Variants in NCKAP5 observed in about 807,000 individuals in gnomAD.
The protein encoded by NCKAP5 is NCK associated protein 5, also known as nck-associated protein 5.
Under a neutral mutation model 167.0 loss-of-function variants are expected in NCKAP5, and 92 were observed. The observed-to-expected ratio is 0.55, with a 90% CI of 0.47 to 0.66. The LOEUF (loss-of-function observed/expected upper bound fraction) is 0.66, where lower values mean the gene tolerates loss of function less well. Among genes scored for constraint, NCKAP5 ranks in the 30% least tolerant of loss-of-function variants. The pLI, the probability that NCKAP5 is intolerant of heterozygous loss-of-function variation, is 0.00. For synonymous variants in NCKAP5, 891 were observed against 877.4 expected, an observed-to-expected ratio of 1.02 and a Z score of -0.27; for missense variants, 2,378 against 2,315.0, an observed-to-expected ratio of 1.03 and a Z score of -0.56.
chr2:132,838,827 A>T (rs1383590460), intron 11 of NCKAP5, among the ~76,000 whole-genome samples: 1 of 152,192 alleles, frequency 6.6e-6, no homozygotes, highest in Non-Finnish European at 1.5e-5. Context: ...AAAAAGTCTA[A>T]CATTTACATA....
intron 11 of NCKAP5, among the ~76,000 whole-genome samples, chr2:132,805,537 G>T (rs762542424): frequency 1.0e-3 from 155 of 151,118 alleles, no homozygotes; most frequent in Non-Finnish European, 2.0e-3. Flanking sequence ...TTATTCCATG[G>T]TTATCACTAT....
At chr2:133,216,302 T>C (rs879923359) in intron 4 of NCKAP5, among the ~76,000 whole-genome samples, 10 of 152,074 alleles carry the variant, frequency 6.6e-5, no homozygotes, top group Admixed American at 2.0e-4. Flanking sequence ...AAGAAGCTCC[T>C]GGACAACAGC....
intron 19 of NCKAP5, among the ~76,000 whole-genome samples, chr2:132,697,918 G>A (rs1489535020): frequency 6.6e-6 from 1 of 152,104 alleles, no homozygotes; most frequent in Non-Finnish European, 1.5e-5. Context: ...TGTAGGTTTA[G>A]TTTTCTGCCT....
At chr2:132,921,082 G>A (rs954253540) in intron 8 of NCKAP5, among the ~76,000 whole-genome samples, 1 of 151,646 alleles carries the variant, frequency 6.6e-6, no homozygotes, top group Non-Finnish European at 1.5e-5. Context: ...TATTCCCAGA[G>A]AGGATCTTCT....
the NCKAP5 span, among the ~76,000 whole-genome samples, chr2:133,670,318 C>T: frequency 2.2e-4 from 33 of 152,144 alleles, no homozygotes; most frequent in African/African-American, 7.7e-4. Context: ...TACTCCCATC[C>T]CTGAGCACAC....
At chr2:132,887,365 TTCCATCCATCCA>T (rs142512555) in intron 8 of NCKAP5, among the ~76,000 whole-genome samples, 6 of 133,810 alleles carry the variant, frequency 4.5e-5, no homozygotes, top group East Asian at 2.6e-4. Flanking sequence ...CCATCCATCT[TTCCATCCATCCA>T]TCCATCCATC....
chr2:132,732,081 A>G (rs749923388), intron 16 of NCKAP5, 30 bp from the exon 17 acceptor site: 2 of 1,566,444 alleles, frequency 1.3e-6, no homozygotes, highest in Non-Finnish European at 1.7e-6. Context: ...AGAGAAGGGA[A>G]TAGAGAAGGC....
intron 3 of NCKAP5, among the ~76,000 whole-genome samples, chr2:133,494,587 C>T (rs1000888310): frequency 1.3e-5 from 2 of 152,122 alleles, no homozygotes; most frequent in Admixed American, 6.6e-5. Flanking sequence ...ACCTGAAACT[C>T]GACTTCAGGC....
chr2:133,177,164 C>CTATATATATATATATATATATATATA (rs61395261), intron 5 of NCKAP5, among the ~76,000 whole-genome samples: 7 of 138,638 alleles, frequency 5.0e-5, no homozygotes, highest in Admixed American at 2.1e-4. Flanking sequence ...GTTTTGTTTT[C>CTATATATATATATATATATATATATA]TATATATATA....
intron 3 of NCKAP5, among the ~76,000 whole-genome samples, chr2:133,448,382 A>G (rs944186000): frequency 3.3e-5 from 5 of 152,202 alleles, no homozygotes; most frequent in Non-Finnish European, 7.3e-5. Context: ...CATGAGAGGA[A>G]GAGCGAGCCC....
intron 6 of NCKAP5, among the ~76,000 whole-genome samples, chr2:133,011,277 T>C (rs6713823): frequency 0.015 from 2,332 of 152,334 alleles, 60 homozygotes; most frequent in African/African-American, 0.053. Flanking sequence ...AGAATTTTAC[T>C]GTAATATTGA....
chr2:132,799,910 T>C (rs545260684), intron 11 of NCKAP5, among the ~76,000 whole-genome samples: 2 of 152,246 alleles, frequency 1.3e-5, no homozygotes, highest in Admixed American at 6.5e-5. Context: ...AAAATCTACT[T>C]TTGTGTTAAG....
At chr2:133,472,108 C>T (rs1251013577) in intron 3 of NCKAP5, among the ~76,000 whole-genome samples, 3 of 152,130 alleles carry the variant, frequency 2.0e-5, no homozygotes, top group Non-Finnish European at 4.4e-5. Context: ...CATTTTAATG[C>T]AGCAAATCAC....
chr2:132,782,485 T>G lies in NCKAP5; in HGVS notation c.4326A>C (p.Thr1442=), dbSNP rs1286185208. ...GCCTTCCAGAAGTTTCTAGCTTGGA[T>G]GTACTGCTTGTTTCAAAAGTGCTTG... ...QHPSTFETSS[T]SKLETSGRHP... is the part of the protein sequence containing the mutation. The change falls in exon 14 of 20, where the codon ACA becomes ACC. Residue 1442 remains threonine, a synonymous_variant. Coordinates refer to ENST00000409261, the MANE Select transcript of NCKAP5 (RefSeq NM_207363.3). The G allele has an allele frequency of 2.5e-6, 4 of 1,610,682 alleles. No individual in the cohort carries two copies. The highest frequency in any genetic ancestry group is 2.7e-5 in the African/African-American group (2 of 74,704).
chr2:133,180,309 T>C (rs963185893), intron 5 of NCKAP5, among the ~76,000 whole-genome samples: 5 of 151,854 alleles, frequency 3.3e-5, no homozygotes, highest in Non-Finnish European at 7.4e-5. Context: ...CCTAAAAGAA[T>C]GATTAAAGAC....
At chr2:133,033,670 T>C (rs2078952743) in intron 6 of NCKAP5, among the ~76,000 whole-genome samples, 1 of 152,000 alleles carries the variant, frequency 6.6e-6, no homozygotes, top group Non-Finnish European at 1.5e-5. Flanking sequence ...GAGATTGAAA[T>C]AATTAAAAAG....
chr2:132,783,444 A>G lies in NCKAP5; in HGVS notation c.3367T>C (p.Ser1123Pro), dbSNP rs1433712494. The change falls in exon 14 of 20, where the codon TCA becomes CCA. Residue 1123 changes from serine (S) to proline (P), a missense_variant. Transcript: ENST00000409261. ...GGGCTGTTATGGCTTTTGGCGGGTGATGAGGATGATGAGGAACTGCTGACC... is the reference window on the plus strand; with the variant it reads ...GGGCTGTTATGGCTTTTGGCGGGTGGTGAGGATGATGAGGAACTGCTGACC... ...SQVSSSSSSS[S>P]PAKSHNSPHG... 1 of 1,584,616 alleles carries G rather than the reference A, an allele frequency of 6.3e-7. No homozygotes were observed. The highest frequency in any genetic ancestry group is 1.2e-5 in the South Asian group (1 of 85,192).
At chr2:133,659,762 T>C in the NCKAP5 span, among the ~76,000 whole-genome samples, 1 of 152,152 alleles carries the variant, frequency 6.6e-6, no homozygotes, top group South Asian at 2.1e-4. Flanking sequence ...GTGCATTATA[T>C]CTTTTAAGTG....
intron 6 of NCKAP5, among the ~76,000 whole-genome samples, chr2:133,065,837 C>T (rs532667052): frequency 6.6e-6 from 1 of 152,274 alleles, no homozygotes; most frequent in South Asian, 2.1e-4. Flanking sequence ...TACTTGTACT[C>T]TGACAACAAT....
Sources: allele counts gnomAD v4.1 joint callset (sites outside exome capture counted in the v4.1 genomes callset), GRCh38; gene constraint gnomAD v4.1.1; transcripts MANE v1.5; gene names NCBI Gene and HGNC (gene_info 2026-07-23, HGNC 2026-07-21).